SPRY1: variants seen among roughly 807,000 people sequenced by gnomAD.
SPRY1 encodes the protein protein sprouty homolog 1.
Under a neutral mutation model 22.6 loss-of-function variants are expected in SPRY1, and 20 were observed. The observed-to-expected ratio is 0.89, with a 90% CI of 0.62 to 1.29. SPRY1 has a LOEUF of 1.29. Ranked by LOEUF, SPRY1 falls within the 50% of genes most tolerant of loss-of-function variation. SPRY1 has a pLI of 0.00. For missense variants in SPRY1, 446 were observed against 387.7 expected, an observed-to-expected ratio of 1.15 and a Z score of -1.26; for synonymous variants, 155 against 144.7, an observed-to-expected ratio of 1.07 and a Z score of -0.51.
chr4:123,401,673 G>A lies in SPRY1; in HGVS notation c.82G>A (p.Asp28Asn). The change falls in exon 3 of 3, where the codon GAC becomes AAC. Residue 28 changes from aspartate (D) to asparagine (N), a missense_variant. Transcript: ENST00000651917. ...QPSLDSRQRL[D>N]YEREIQPTAI... ...TTCTTTGGATAGCCGTCAGAGATTA[G>A]ACTATGAGAGAGAGATTCAGCCTAC... The A allele has an allele frequency of 6.2e-7, 1 of 1,614,152 alleles. No homozygotes were observed. The highest frequency in any genetic ancestry group is 8.5e-7 in the Non-Finnish European group (1 of 1,180,032).
At chr4:123,397,369 GTTGT>G (rs1724951489) in intron 1 of SPRY1, among the ~76,000 whole-genome samples, 1 of 152,150 alleles carries the variant, frequency 6.6e-6, no homozygotes, top group Non-Finnish European at 1.5e-5. Flanking sequence ...TTGCTTGAAC[GTTGT>G]TTGAACTCCT....
rs982385423 is a variant in SPRY1, at chr4:123,396,848, T to C, written c.-386T>C. The C allele has an allele frequency of 2.6e-5, 4 of 152,194 alleles. No homozygotes were observed. Among genetic ancestry groups the C allele is most frequent in the African/African-American group, 7.2e-5 (3 of 41,438 alleles). 9.4% of individuals were successfully genotyped at this position (152,194 alleles called of 1,614,324 possible). A position where few individuals can be genotyped will look rare whatever the true frequency, so the allele number is the denominator to read the frequency against. Reference sequence around the variant, plus strand: ...CACTGCGTGCTTTGCAGAGTGATTATCAGCACAGTTCCCTGCCCTGGATAA... The same window carrying C: ...CACTGCGTGCTTTGCAGAGTGATTACCAGCACAGTTCCCTGCCCTGGATAA... On this transcript the variant is annotated 5_prime_UTR_variant, in exon 1 of 3. Coordinates refer to ENST00000651917, the MANE Select transcript of SPRY1 (RefSeq NM_001258038.2).
Position 123,402,967 on chromosome 4 carries a change from T to A in SPRY1, c.*416T>A. 8 of 426,796 alleles carry A rather than the reference T, an allele frequency of 1.9e-5. No homozygotes were observed. The allele number at this position is 426,796 out of a possible 1,614,324, so 26.4% of individuals were successfully genotyped here. A position where few individuals can be genotyped will look rare whatever the true frequency, so the allele number is the denominator to read the frequency against. Reference sequence around the variant, plus strand: ...AAAAGCAACTGTTTAATTGCTTAAATAAGCTATGTATTAAATCTGTCTCCA... The same window carrying A: ...AAAAGCAACTGTTTAATTGCTTAAAAAAGCTATGTATTAAATCTGTCTCCA... On this transcript the variant is annotated 3_prime_UTR_variant, in exon 3 of 3. Transcript: ENST00000651917.
rs755021441 is a variant in SPRY1, at chr4:123,402,358, G to C, written c.767G>C (p.Arg256Thr). The change falls in exon 3 of 3, where the codon AGA (arginine) becomes ACA (threonine). Residue 256 changes from arginine (R) to threonine (T), a missense_variant. Physicochemically the swap from Arg to Thr is moderately conservative, Grantham distance 71 (BLOSUM62 -1). Coordinates refer to ENST00000651917, the MANE Select transcript of SPRY1 (RefSeq NM_001258038.2). ...CSCSQSHCCS[R>T]YLCMGAMSLF... is the part of the protein sequence containing the mutation. ...TGTTCACAATCACACTGCTGCTCTA[G>C]ATACCTGTGTATGGGAGCCATGTCT... is the stretch of plus-strand genomic sequence containing the variant. 1.2e-6 allele frequency: 2 copies of C among 1,614,178 alleles called. No homozygotes were observed. Among genetic ancestry groups the C allele is most frequent in the South Asian group, 1.1e-5 (1 of 91,076 alleles).
chr4:123,398,412 C>T (rs1194091959), intron 2 of SPRY1: 1 of 151,088 alleles, frequency 6.6e-6, no homozygotes, highest in African/African-American at 2.4e-5. Context: ...GATGCCGCCT[C>T]GCCCTCCCCG....
intron 1 of SPRY1, 64 bp from the exon 2 acceptor site, chr4:123,397,547 C>G (rs1285577274): frequency 6.6e-6 from 1 of 152,142 alleles, no homozygotes; most frequent in African/African-American, 2.4e-5. Flanking sequence ...GCGGCCCGCC[C>G]GGGGTCCCAG....
In SPRY1 at chr4:123,402,525, T is replaced by TC; in HGVS notation, c.937dup (p.Arg313ProfsTer5). 6.2e-7 allele frequency: 1 copy of TC among 1,613,498 alleles called. No individual in the cohort carries two copies. The highest frequency in any genetic ancestry group is 8.5e-7 in the Non-Finnish European group (1 of 1,179,550). On this transcript the variant is annotated frameshift_variant, in exon 3 of 3. Transcript: ENST00000651917. LOFTEE classifies it high-confidence loss of function. ...CTATTGTAAGCTGGAGAGCTGCCCC[T>TC]CCCGGGGTCAGGGTAAACCATCATG...
In SPRY1 at chr4:123,402,207, C is replaced by CG; in HGVS notation, c.618dup (p.Gln207AlafsTer7). 1 of 1,614,210 alleles carries CG rather than the reference C, an allele frequency of 6.2e-7. No individual in the cohort carries two copies. Among genetic ancestry groups the CG allele is most frequent in the Non-Finnish European group, 8.5e-7 (1 of 1,180,046 alleles). ...CCTACCATCCTGTTTGGCCTGTAAC[C>CG]GGCAGTGCCTTTGCTCTGCTGAGAG... On this transcript the variant is annotated frameshift_variant, in exon 3 of 3. Coordinates refer to ENST00000651917, the MANE Select transcript of SPRY1 (RefSeq NM_001258038.2). LOFTEE classifies it high-confidence loss of function.
In SPRY1 at chr4:123,402,952, GT is replaced by G. The variant is rs1725232950; in HGVS notation, c.*404del. Reference sequence around the variant, plus strand: ...GAAATTGGTTTTTTAAAAAGCAACTGTTTAATTGCTTAAATAAGCTATGTAT... The same window carrying G: ...GAAATTGGTTTTTTAAAAAGCAACTGTTAATTGCTTAAATAAGCTATGTAT... On this transcript the variant is annotated 3_prime_UTR_variant, in exon 3 of 3. Transcript: ENST00000651917. 2 of 428,606 alleles carry G rather than the reference GT, an allele frequency of 4.7e-6. No homozygotes were observed. Among genetic ancestry groups the G allele is most frequent in the Non-Finnish European group, 8.5e-6 (2 of 234,530 alleles). The allele number at this position is 428,606 out of a possible 1,614,324, so 26.6% of individuals were successfully genotyped here.
Position 123,402,073 on chromosome 4 carries a change from T to G in SPRY1, c.482T>G (p.Leu161Arg), listed in dbSNP as rs1725186913. 6.2e-7 allele frequency: 1 copy of G among 1,614,152 alleles called. No individual in the cohort carries two copies. The highest frequency in any genetic ancestry group is 1.7e-5 in the Admixed American group (1 of 60,028). Residue 161 changes from leucine (L) to arginine (R), a missense_variant, in exon 3 of 3, where the codon CTG becomes CGG. Physicochemically the swap from Leu to Arg is moderately radical, Grantham distance 102. Coordinates refer to ENST00000651917, the MANE Select transcript of SPRY1 (RefSeq NM_001258038.2). ...GCAATCCGGACCCAGCCCAAGCAAC[T>G]GATTGTGGATGACTTGAAGGGTTCC... ...ERAIRTQPKQ[L>R]IVDDLKGSLK... is the part of the protein sequence containing the mutation.
rs1725238303 is a variant in SPRY1, at chr4:123,403,098, C to T, written c.*547C>T. The stretch of plus-strand genomic sequence containing the variant: ...AACCACTGCCCTCTCCTTCTTTCTC[C>T]TTCAAGGTTCTTTCCCCCTCAGTTT... On this transcript the variant is annotated 3_prime_UTR_variant, in exon 3 of 3. Transcript: ENST00000651917. 1 of 305,356 alleles carries T rather than the reference C, an allele frequency of 3.3e-6. No individual in the cohort carries two copies. Among genetic ancestry groups the T allele is most frequent in the Non-Finnish European group, 6.3e-6 (1 of 159,128 alleles). The allele number at this position is 305,356 out of a possible 1,614,324, so 18.9% of individuals were successfully genotyped here.
Sources: allele counts gnomAD v4.1 joint callset (sites outside exome capture counted in the v4.1 genomes callset), GRCh38; gene constraint gnomAD v4.1.1; transcripts MANE v1.5; gene names NCBI Gene and HGNC (gene_info 2026-07-23, HGNC 2026-07-21).